CLCA4: variants seen among roughly 807,000 people sequenced by gnomAD.
The protein encoded by CLCA4 is calcium-activated chloride channel regulator 4.
In CLCA4, 69 loss-of-function variants were observed where a neutral mutation model predicts 78.9. The observed-to-expected ratio is 0.87, with a 90% CI of 0.72 to 1.07. The LOEUF is 1.07. Ranked by LOEUF, CLCA4 falls within the 50% of genes least tolerant of loss-of-function variation. The probability of loss-of-function intolerance (pLI) is 0.00; values close to 1 mark genes in which losing one functional copy is unlikely to be tolerated. For synonymous variants in CLCA4, 362 were observed against 375.8 expected, an observed-to-expected ratio of 0.96 and a Z score of 0.42; for missense variants, 1,133 against 1,095.8, an observed-to-expected ratio of 1.03 and a Z score of -0.48.
chr1:86,579,382 T>C lies in CLCA4; in HGVS notation c.2151T>C (p.Pro717=), dbSNP rs185369520. 6.2e-7 allele frequency: 1 copy of C among 1,613,052 alleles called. No individual in the cohort carries two copies. The highest frequency in any genetic ancestry group is 8.5e-7 in the Non-Finnish European group (1 of 1,179,404). Residue 717 remains proline, a synonymous_variant, in exon 13 of 14, where the codon CCT becomes CCC. Transcript: ENST00000370563. ...AAATTGAAGCAAACCCGCCAAGACC[T>C]GAAATTGATGAGGATACTCAGACCA... The part of the protein sequence containing the change: ...NGEIEANPPR[P]EIDEDTQTTL...
At chr1:86,563,601 A>G in intron 3 of CLCA4, 60 bp from the exon 4 acceptor site, 1 of 818,388 alleles carries the variant, frequency 1.2e-6, no homozygotes, top group South Asian at 2.0e-5. Context: ...AGCTTCTTAA[A>G]ATATGATACA....
chr1:86,552,936 C>G, intron 1 of CLCA4: 1 of 650,398 alleles, frequency 1.5e-6, no homozygotes, highest in Non-Finnish European at 2.8e-6. Flanking sequence ...GCGGGTGCCT[C>G]GGCGTCTGTG....
In CLCA4 at chr1:86,561,729, G is replaced by C. The variant is rs961544697; in HGVS notation, c.448+1371G>C. Among the ~76,000 whole-genome samples, 3 of 151,992 alleles carry C rather than the reference G, an allele frequency of 2.0e-5. No homozygotes were observed. The East Asian group carries it at 5.8e-4, about 29-fold the overall frequency. On this transcript the variant is annotated intron_variant, in intron 3 of 13. Transcript: ENST00000370563. ...CCTGCACCTTTCTTAGAACAGAAAG[G>C]CTTCTCCAATTTGTAAGCTTAATGT... is the stretch of plus-strand genomic sequence containing the variant.
At chr1:86,559,876 C>T (rs891540854) in intron 1 of CLCA4, 56 bp from the exon 2 acceptor site, 13 of 1,402,992 alleles carry the variant, frequency 9.3e-6, no homozygotes, top group Non-Finnish European at 1.2e-5. Flanking sequence ...CAAAACCCTG[C>T]TAATTTAGTT....
At chr1:86,568,991 A>G (rs2101809662) in intron 7 of CLCA4, among the ~76,000 whole-genome samples, 1 of 152,216 alleles carries the variant, frequency 6.6e-6, no homozygotes, top group East Asian at 1.9e-4. Context: ...TCAGTAAAAT[A>G]GGATAATTAA....
chr1:86,548,771 T>C (rs573053925), intron 1 of CLCA4, among the ~76,000 whole-genome samples: 17 of 151,836 alleles, frequency 1.1e-4, no homozygotes, highest in Admixed American at 9.2e-4. Context: ...ATAATTATTA[T>C]GGAAACTTCT....
chr1:86,576,432 CCCAGCCT>C (rs1650524811), intron 11 of CLCA4, among the ~76,000 whole-genome samples: 7 of 152,166 alleles, frequency 4.6e-5, no homozygotes, highest in Non-Finnish European at 8.8e-5. Flanking sequence ...ACCCTCCCAC[CCCAGCCT>C]CCCAAAGTGC....
rs1255276697 is a variant in CLCA4 at position 86,579,954 on chromosome 1, T to G, written c.2369T>G (p.Ile790Ser). ...TTTTTTTTCTCAGTTCAACGTTATA[T>G]CATAAGAATAAGTGCAAGTATTCTT... is the stretch of plus-strand genomic sequence containing the variant. The part of the protein sequence containing the change: ...NFDVGKVQRY[I>S]IRISASILDL... Residue 790 changes from isoleucine (I) to serine (S), a missense_variant, in exon 14 of 14, where the codon ATC becomes AGC. Ile to Ser is a moderately radical substitution (Grantham distance 142, BLOSUM62 -2). Coordinates refer to ENST00000370563, the MANE Select transcript of CLCA4 (RefSeq NM_012128.4). 1 of 1,582,256 alleles carries G rather than the reference T, an allele frequency of 6.3e-7. No homozygotes were observed. The highest frequency in any genetic ancestry group is 1.2e-5 in the South Asian group (1 of 86,580).
At chr1:86,553,718 T>A (rs1225481975) in intron 1 of CLCA4, among the ~76,000 whole-genome samples, 1 of 152,194 alleles carries the variant, frequency 6.6e-6, no homozygotes, top group African/African-American at 2.4e-5. Context: ...GTGGATCACC[T>A]GAGGTCAGGA....
chr1:86,563,245 T>TAA lies in CLCA4; in HGVS notation c.449-415_449-414dup, dbSNP rs1199581996. The stretch of plus-strand genomic sequence containing the variant: ...TAGTATTGCATTGAATATATATATA[T>TAA]AATTAAAAATTGTTTCATATAATTA... On this transcript the variant is annotated intron_variant, in intron 3 of 13. Coordinates refer to ENST00000370563, the MANE Select transcript of CLCA4 (RefSeq NM_012128.4). Among the ~76,000 whole-genome samples, 3 of 151,290 alleles carry TAA rather than the reference T, an allele frequency of 2.0e-5. 1 individual carries two copies. The highest frequency in any genetic ancestry group is 2.0e-4 in the Admixed American group (3 of 15,166).
At chr1:86,561,036 A>G (rs1650002058) in intron 3 of CLCA4, among the ~76,000 whole-genome samples, 1 of 152,230 alleles carries the variant, frequency 6.6e-6, no homozygotes, top group South Asian at 2.1e-4. Context: ...CTGAATCCGC[A>G]TACCCCAGAA....
chr1:86,552,671 T>G, intron 1 of CLCA4: 1 of 935,958 alleles, frequency 1.1e-6, no homozygotes, highest in South Asian at 1.4e-5. Context: ...CAGATCGGAC[T>G]TGCAGATGGA....
chr1:86,568,100 A>T (rs1406478664), intron 7 of CLCA4, among the ~76,000 whole-genome samples: 1 of 151,940 alleles, frequency 6.6e-6, no homozygotes, highest in African/African-American at 2.4e-5. Context: ...CAGATGTAGC[A>T]AGACTGTGAG....
At chr1:86,572,899 G>A (rs1238886108) in intron 9 of CLCA4, 179 bp downstream of exon 9, 2 of 613,860 alleles carry the variant, frequency 3.3e-6, no homozygotes, top group Non-Finnish European at 5.8e-6. Context: ...TGAAATAAGA[G>A]TAAAATAAAT....
intron 2 of CLCA4, 52 bp from the exon 3 acceptor site, chr1:86,560,159 A>T: frequency 6.4e-7 from 1 of 1,570,730 alleles, no homozygotes. Context: ...TTTCTAACTG[A>T]ATATTATCTT....
chr1:86,555,120 C>T (rs528552946), intron 1 of CLCA4, among the ~76,000 whole-genome samples: 69 of 152,108 alleles, frequency 4.5e-4, no homozygotes, highest in African/African-American at 1.2e-3. Context: ...CGGTGTTGGA[C>T]GCATAATTTG....
Position 86,575,393 on chromosome 1 carries a change from T to C in CLCA4, c.1745T>C (p.Val582Ala). Reference sequence around the variant, plus strand: ...AACCCAGAAACATTAACTATTACAGTAACTTCTCGAGCAGCAAATTCTTCT... The same window carrying C: ...AACCCAGAAACATTAACTATTACAGCAACTTCTCGAGCAGCAAATTCTTCT... Reference protein sequence around the residue: ...KANPETLTITVTSRAANSSVP... With the variant: ...KANPETLTITATSRAANSSVP... Residue 582 changes from valine to alanine, a missense_variant, in exon 11 of 14, where the codon GTA becomes GCA. Physicochemically the swap from Val to Ala is moderately conservative, Grantham distance 64 (BLOSUM62 0). Coordinates refer to ENST00000370563, the MANE Select transcript of CLCA4 (RefSeq NM_012128.4). 6.2e-7 allele frequency: 1 copy of C among 1,613,320 alleles called. No homozygotes were observed. The highest frequency in any genetic ancestry group is 8.5e-7 in the Non-Finnish European group (1 of 1,179,470).
rs1225177509 is a variant in CLCA4, at chr1:86,566,022, T to C, written c.954+2T>C. 3.1e-6 allele frequency: 5 copies of C among 1,609,308 alleles called. No homozygotes were observed. The Admixed American group carries it at 6.7e-5, about 22-fold the overall frequency. Reference sequence around the variant, plus strand: ...CTTGATAAGTCTGGAAGCATGGGGGTAAGATCACTTTTTCTGGATATAGGG... The same window carrying C: ...CTTGATAAGTCTGGAAGCATGGGGGCAAGATCACTTTTTCTGGATATAGGG... On this transcript the variant is annotated splice_donor_variant, in intron 6 of 13. Coordinates refer to ENST00000370563, the MANE Select transcript of CLCA4 (RefSeq NM_012128.4). LOFTEE classifies it high-confidence loss of function.
chr1:86,551,804 A>G (rs1286572783), intron 1 of CLCA4, among the ~76,000 whole-genome samples: 3 of 152,236 alleles, frequency 2.0e-5, no homozygotes, highest in African/African-American at 4.8e-5. Flanking sequence ...CTTTGCCTTC[A>G]ATGACATTTA....
Sources: allele counts gnomAD v4.1 joint callset (sites outside exome capture counted in the v4.1 genomes callset), GRCh38; gene constraint gnomAD v4.1.1; transcripts MANE v1.5; gene names NCBI Gene and HGNC (gene_info 2026-07-23, HGNC 2026-07-21).